Variants in PRCC observed in about 807,000 individuals in gnomAD.
The protein encoded by PRCC is proline-rich protein PRCC.
A neutral mutation model predicts 44.0 loss-of-function variants in PRCC; 10 were observed. That is an observed-to-expected ratio of 0.23 (90% confidence interval 0.14 to 0.39). The LOEUF is 0.39. Among genes scored for constraint, PRCC ranks in the 10% least tolerant of loss-of-function variants. PRCC has a pLI of 1.00. For synonymous variants in PRCC, 278 were observed against 259.5 expected (o/e 1.07, Z -0.69); for missense variants, 573 against 624.7 (o/e 0.92, Z 0.88).
rs1288853228 is a variant in PRCC at position 156,787,493 on chromosome 1, ATATATC to A, written c.1083+321_1083+326del. Among the ~76,000 whole-genome samples the A allele has an allele frequency of 2.4e-3, 145 of 59,364 alleles. 1 individual carries two copies. The highest frequency in any genetic ancestry group is 0.011 in the African/African-American group (136 of 12,266). 38.9% of individuals were successfully genotyped at this position (59,364 alleles called of 152,430 possible). ...TATATATATATATATATATATATAT[ATATATC>A]TGTTTTTTTTTCTTCCTAACCTTTA... On this transcript the variant is annotated intron_variant, in intron 3 of 6. Coordinates refer to ENST00000271526, the MANE Select transcript of PRCC (RefSeq NM_005973.5).
Position 156,787,009 on chromosome 1 carries a change from G to A in PRCC, c.918G>A (p.Thr306=), listed in dbSNP as rs1034537981. 3.3e-5 allele frequency: 54 copies of A among 1,614,100 alleles called. No homozygotes were observed. Among genetic ancestry groups the A allele is most frequent in the Non-Finnish European group, 4.3e-5 (51 of 1,180,042 alleles). ...TCCCTGAAGAGCTGCCTCCAGGCAC[G>A]GAACCAGAGCCGGCTTTCCAGGACG... ...PTVPEELPPG[T]EPEPAFQDDA... Residue 306 remains threonine, a synonymous_variant, in exon 3 of 7, where the codon ACG becomes ACA. Coordinates refer to ENST00000271526, the MANE Select transcript of PRCC (RefSeq NM_005973.5).
At chr1:156,792,050 CTTCTTTTTT>C (rs1652497046) in intron 4 of PRCC, among the ~76,000 whole-genome samples, 2 of 86,562 alleles carry the variant, frequency 2.3e-5, no homozygotes, top group Non-Finnish European at 4.9e-5. Flanking sequence ...ATCTAGTCCC[CTTCTTTTTT>C]TTTTTTTTTT....
At chr1:156,788,474 CT>C (rs753484798) in intron 3 of PRCC, among the ~76,000 whole-genome samples, 7 of 152,138 alleles carry the variant, frequency 4.6e-5, no homozygotes, top group Non-Finnish European at 8.8e-5. Flanking sequence ...GTGCATGTGT[CT>C]TTACAGTAGA....
At chr1:156,799,261 CT>C (rs1390975206) in intron 6 of PRCC, among the ~76,000 whole-genome samples, 1 of 152,070 alleles carries the variant, frequency 6.6e-6, no homozygotes, top group Non-Finnish European at 1.5e-5. Flanking sequence ...CACAACATAC[CT>C]TTTTCTTAGT....
In PRCC at chr1:156,767,880, G is replaced by T; in HGVS notation, c.109G>T (p.Gly37Cys). The T allele has an allele frequency of 3.7e-6, 6 of 1,605,484 alleles. No homozygotes were observed. Among genetic ancestry groups the T allele is most frequent in the Non-Finnish European group, 8.5e-7 (1 of 1,176,968 alleles). The change falls in exon 1 of 7, where the codon GGC becomes TGC. Residue 37 changes from glycine to cysteine, a missense_variant. Physicochemically the swap from Gly to Cys is radical, Grantham distance 159. Transcript: ENST00000271526. ...TCCTACATCTGGGCCCGCTTTAGGG[G>T]GCTTGTTCGCTTCTCTCCCTGCGCC... ...VAPTSGPALG[G>C]LFASLPAPKG... is the part of the protein sequence containing the mutation.
intron 1 of PRCC, among the ~76,000 whole-genome samples, chr1:156,775,528 T>TG (rs71080794): frequency 1.5e-4 from 22 of 150,374 alleles, no homozygotes; most frequent in Non-Finnish European, 2.7e-4. Context: ...TTTTTTTTTT[T>TG]GAGACAGAGT....
chr1:156,786,880 A>G lies in PRCC; in HGVS notation c.789A>G (p.Glu263=), dbSNP rs771749507. 27 of 1,614,240 alleles carry G rather than the reference A, an allele frequency of 1.7e-5. No individual in the cohort carries two copies. The highest frequency in any genetic ancestry group is 2.2e-5 in the Non-Finnish European group (26 of 1,180,048). ...AGGTGACAAAGCAGATCACGCAGGA[A>G]GAAGACGACAGTGATGAGGAAGTAG... The part of the protein sequence containing the change: ...ALQVTKQITQ[E]EDDSDEEVAP... The change falls in exon 3 of 7, where the codon GAA becomes GAG. Residue 263 remains glutamate (E), a synonymous_variant. Transcript: ENST00000271526.
At chr1:156,780,829 G>A (rs1374122795) in intron 1 of PRCC, among the ~76,000 whole-genome samples, 1 of 151,942 alleles carries the variant, frequency 6.6e-6, no homozygotes, top group African/African-American at 2.4e-5. Flanking sequence ...CGCGGTTCAA[G>A]CATTTTTCCT....
intron 3 of PRCC, among the ~76,000 whole-genome samples, chr1:156,788,855 AG>A (rs941347255): frequency 6.6e-6 from 1 of 151,868 alleles, no homozygotes; most frequent in African/African-American, 2.4e-5. Flanking sequence ...TAGTAGAAAC[AG>A]GGTTTCTCCA....
At chr1:156,798,866 T>C (rs1652752732) in intron 6 of PRCC, among the ~76,000 whole-genome samples, 1 of 150,444 alleles carries the variant, frequency 6.6e-6, no homozygotes, top group Non-Finnish European at 1.5e-5. Context: ...AAAAGATTTA[T>C]GACATTGTAC....
chr1:156,770,452 G>T (rs1305977145), intron 1 of PRCC, among the ~76,000 whole-genome samples: 1 of 152,200 alleles, frequency 6.6e-6, no homozygotes, highest in African/African-American at 2.4e-5. Context: ...TCAGCTCACC[G>T]CAACCTCCGC....
chr1:156,775,596 C>T (rs983260494), intron 1 of PRCC, among the ~76,000 whole-genome samples: 11 of 151,520 alleles, frequency 7.3e-5, no homozygotes, highest in African/African-American at 1.2e-4. Flanking sequence ...CTGCAACCGC[C>T]GCCTCCCGGG....
rs1466612613 is a variant in PRCC at position 156,782,323 on chromosome 1, C to G, written c.510C>G (p.Ile170Met). 6.2e-7 allele frequency: 1 copy of G among 1,606,452 alleles called. No homozygotes were observed. ...ATGAACCCACAAAGAAGAAAACTAT[C>G]CTTCAGGTAAGCATTGTGATATAAA... is the stretch of plus-strand genomic sequence containing the variant. Reference protein sequence around the residue: ...EEDEPTKKKTILQGSSEGTGL... With the variant: ...EEDEPTKKKTMLQGSSEGTGL... Residue 170 changes from isoleucine to methionine, a missense_variant, in exon 2 of 7, where the codon ATC becomes ATG. Coordinates refer to ENST00000271526, the MANE Select transcript of PRCC (RefSeq NM_005973.5).
chr1:156,768,354 C>T (rs1230762675), intron 1 of PRCC, 115 bp downstream of exon 1: 1 of 1,086,400 alleles, frequency 9.2e-7, no homozygotes, highest in East Asian at 2.6e-5. Flanking sequence ...GATTCAAGGC[C>T]ACTGGAATCC....
chr1:156,794,884 C>T lies in PRCC; in HGVS notation c.1323+76C>T. On this transcript the variant is annotated intron_variant, in intron 5 of 6. Transcript: ENST00000271526. ...AATCTTGTCTTACTCCCCGTCTTGA[C>T]CCCACACCCCATTGTTATTGTCACA... 4 of 1,559,456 alleles carry T rather than the reference C, an allele frequency of 2.6e-6. No individual in the cohort carries two copies. The South Asian group carries it at 4.6e-5, about 18-fold the overall frequency.
chr1:156,789,039 G>T (rs1652384348), intron 3 of PRCC, among the ~76,000 whole-genome samples: 1 of 151,760 alleles, frequency 6.6e-6, no homozygotes, highest in Admixed American at 6.6e-5. Flanking sequence ...GTGCAATCCC[G>T]GCTCACTGCA....
At chr1:156,785,675 G>C (rs1652216269) in intron 2 of PRCC, among the ~76,000 whole-genome samples, 1 of 152,092 alleles carries the variant, frequency 6.6e-6, no homozygotes, top group African/African-American at 2.4e-5. Flanking sequence ...GTTGGAAAAA[G>C]CTGTGTCAGG....
intron 6 of PRCC, among the ~76,000 whole-genome samples, chr1:156,799,296 C>T (rs1205663370): frequency 6.6e-6 from 1 of 152,038 alleles, no homozygotes; most frequent in African/African-American, 2.4e-5. Context: ...CTAAGTTACA[C>T]AGTTTGTGTT....
rs76271348 is a variant in PRCC, at chr1:156,774,157, C to CTTT, written c.468+5952_468+5954dup. On this transcript the variant is annotated intron_variant, in intron 1 of 6. Coordinates refer to ENST00000271526, the MANE Select transcript of PRCC (RefSeq NM_005973.5). ...GAGTTTCTTTCTTTTTTTGAGTCACCTTTTTTTTTTTTTTTTTTTTTTTTT... is the reference window on the plus strand; with the variant it reads ...GAGTTTCTTTCTTTTTTTGAGTCACCTTTTTTTTTTTTTTTTTTTTTTTTTTTT... Among the ~76,000 whole-genome samples the CTTT allele has an allele frequency of 4.1e-3, 222 of 53,958 alleles. 69 individuals carry two copies. Among genetic ancestry groups the CTTT allele is most frequent in the Middle Eastern group, 0.014 (1 of 72 alleles). The allele number at this position is 53,958 out of a possible 152,430, so 35.4% of individuals were successfully genotyped here.
Sources: gnomAD v4.1 joint callset for allele counts (sites outside exome capture counted in the v4.1 genomes callset) on GRCh38, gnomAD v4.1.1 for gene constraint, MANE v1.5 for transcripts, NCBI Gene and HGNC (gene_info 2026-07-23, HGNC 2026-07-21) for gene names.